The following HHIPL1 variants were observed in gnomAD, a reference collection of about 807,000 sequenced individuals.
HHIPL1 encodes the protein HHIP-like protein 1.
HHIPL1 carries 43 observed loss-of-function variants against 61.8 expected under a neutral mutation model. The observed-to-expected ratio is 0.70, with a 90% CI of 0.55 to 0.90. The LOEUF (loss-of-function observed/expected upper bound fraction) is 0.90, where lower values mean the gene tolerates loss of function less well. Ranked by LOEUF, HHIPL1 falls within the 40% of genes least tolerant of loss-of-function variation. The pLI is 0.00. For missense variants in HHIPL1, 1,056 were observed against 1,157.7 expected (o/e 0.91, Z 1.28); for synonymous variants, 482 against 515.8 (o/e 0.93, Z 0.89).
chr14:99,666,010 G>A (rs895351329), intron 6 of HHIPL1, among the ~76,000 whole-genome samples: 4 of 151,838 alleles, frequency 2.6e-5, no homozygotes, highest in Non-Finnish European at 5.9e-5. Context: ...TCAAACTGCT[G>A]ACCTCAAGTG....
the HHIPL1 span, among the ~76,000 whole-genome samples, chr14:99,631,396 C>A: frequency 1.3e-5 from 2 of 152,044 alleles, no homozygotes; most frequent in African/African-American, 4.8e-5. Context: ...ATACGGTCAC[C>A]TTCTGGGGTA....
chr14:99,668,885 G>C lies in HHIPL1; in HGVS notation c.1730+582G>C. 1 of 1,613,784 alleles carries C rather than the reference G, an allele frequency of 6.2e-7. No homozygotes were observed. Among genetic ancestry groups the C allele is most frequent in the Non-Finnish European group, 8.5e-7 (1 of 1,179,708 alleles). On this transcript the variant is annotated intron_variant, in intron 7 of 8. Coordinates refer to ENST00000330710, the MANE Select transcript of HHIPL1 (RefSeq NM_001127258.3). The surrounding 1 kb of genome is among the most constrained non-coding windows in gnomAD (Gnocchi z 4.7). ...TATGTCCCAGCTCCTTCCGTGTGCA[G>C]CTCATTGACGTCTCAGCCGTTCATT...
chr14:99,633,044 T>C, the HHIPL1 span, among the ~76,000 whole-genome samples: 2 of 140,376 alleles, frequency 1.4e-5, no homozygotes, highest in Admixed American at 1.4e-4. Flanking sequence ...GCTGGGTGGG[T>C]GGATTCATGT....
At chr14:99,631,105 T>TC in the HHIPL1 span, among the ~76,000 whole-genome samples, 683 of 140,538 alleles carry the variant, frequency 4.9e-3, 9 homozygotes, top group African/African-American at 0.017. Flanking sequence ...TCTTTCTTTC[T>TC]TTCTCTCTCT....
At chr14:99,640,849 T>C (rs2055740629), upstream of HHIPL1, among the ~76,000 whole-genome samples, 1 of 145,882 alleles carries the variant, frequency 6.9e-6, no homozygotes, top group African/African-American at 2.5e-5. Context: ...ATCTTCTTTC[T>C]CCCTGAAGAA....
upstream of HHIPL1, among the ~76,000 whole-genome samples, chr14:99,642,682 T>C (rs145080360): frequency 3.0e-3 from 459 of 152,036 alleles, 2 homozygotes; most frequent in Non-Finnish European, 5.0e-3. Context: ...CCCATCACCA[T>C]GCCCGGCTAA....
chr14:99,627,109 C>T, the HHIPL1 span, among the ~76,000 whole-genome samples: 1 of 152,078 alleles, frequency 6.6e-6, no homozygotes, highest in Non-Finnish European at 1.5e-5. The surrounding 1 kb of genome is among the most constrained non-coding windows in gnomAD (Gnocchi z 4.4). Context: ...TCCAGCTATC[C>T]ATCCGTCCAT....
Position 99,657,161 on chromosome 14 carries a change from T to C in HHIPL1, c.1046+18T>C. 1.2e-6 allele frequency: 2 copies of C among 1,610,918 alleles called. No homozygotes were observed. The highest frequency in any genetic ancestry group is 1.7e-6 in the Non-Finnish European group (2 of 1,178,870). The stretch of plus-strand genomic sequence containing the variant: ...CAAAACAAGTATGTTCAGCTTTTGA[T>C]TGGCTTGTGGGTTGGTCTCCATATC... On this transcript the variant is annotated intron_variant, in intron 3 of 8. Coordinates refer to ENST00000330710, the MANE Select transcript of HHIPL1 (RefSeq NM_001127258.3).
At chr14:99,669,329 C>T (rs563654224) in intron 7 of HHIPL1, 3 of 1,017,104 alleles carry the variant, frequency 2.9e-6, no homozygotes, top group East Asian at 1.8e-4. Flanking sequence ...CCACAGCAGT[C>T]TGAACGTCTC....
At chr14:99,615,485 A>C in the HHIPL1 span, among the ~76,000 whole-genome samples, 4 of 152,128 alleles carry the variant, frequency 2.6e-5, no homozygotes, top group Admixed American at 6.5e-5. Flanking sequence ...TTGAAACTGC[A>C]ATGAGCTGTG....
rs1401063672 is a variant in HHIPL1 at position 99,675,572 on chromosome 14, C to T, written c.2295C>T (p.Cys765=). The T allele has an allele frequency of 2.6e-6, 4 of 1,536,008 alleles. No individual in the cohort carries two copies. The highest frequency in any genetic ancestry group is 3.5e-6 in the Non-Finnish European group (4 of 1,144,948). Residue 765 remains cysteine, a synonymous_variant, in exon 9 of 9, where the codon TGC becomes TGT. Transcript: ENST00000330710. This position sits in a 1 kb window ranked among gnomAD's most constrained non-coding sequence, Gnocchi z 5.4. The stretch of plus-strand genomic sequence containing the variant: ...ACAACGGCGTGGGCACCCACAACTG[C>T]GAGCACGACGAGGATGCGGGCGTCG... ...CQHNGVGTHN[C]EHDEDAGVVC...
chr14:99,634,705 C>T, the HHIPL1 span, among the ~76,000 whole-genome samples: 4 of 152,120 alleles, frequency 2.6e-5, no homozygotes, highest in Non-Finnish European at 2.9e-5. Flanking sequence ...TCTAGGGTCA[C>T]GCAGTAAGTT....
intron 2 of HHIPL1, among the ~76,000 whole-genome samples, chr14:99,653,704 C>T (rs370563197): frequency 1.4e-4 from 22 of 152,228 alleles, no homozygotes; most frequent in African/African-American, 3.9e-4. Context: ...TGGGCTTTTG[C>T]TCCTCTCAAC....
chr14:99,611,828 A>G, the HHIPL1 span, among the ~76,000 whole-genome samples: 1 of 151,800 alleles, frequency 6.6e-6, no homozygotes, highest in African/African-American at 2.4e-5. Context: ...GCTCACATCT[A>G]TACCAAGACA....
chr14:99,651,993 G>A (rs1052535878), intron 1 of HHIPL1, among the ~76,000 whole-genome samples: 1 of 152,136 alleles, frequency 6.6e-6, no homozygotes, highest in Non-Finnish European at 1.5e-5. Flanking sequence ...AGCTGCTGCT[G>A]TTGCTGCTGC....
the HHIPL1 span, among the ~76,000 whole-genome samples, chr14:99,635,936 G>A: frequency 1.3e-5 from 2 of 152,224 alleles, no homozygotes; most frequent in Admixed American, 6.5e-5. Flanking sequence ...ACTGTGCATC[G>A]GTCTCAGAGG....
chr14:99,645,725 C>G (rs1208026654), intron 1 of HHIPL1, among the ~76,000 whole-genome samples: 2 of 152,240 alleles, frequency 1.3e-5, no homozygotes, highest in African/African-American at 4.8e-5. Context: ...GACGGACGGA[C>G]AGATGATGTC....
chr14:99,651,443 C>T (rs2055928520), intron 1 of HHIPL1, among the ~76,000 whole-genome samples: 1 of 152,138 alleles, frequency 6.6e-6, no homozygotes, highest in African/African-American at 2.4e-5. Context: ...CTCATGACGA[C>T]AGCAGCAGCA....
intron 7 of HHIPL1, among the ~76,000 whole-genome samples, chr14:99,670,135 G>A (rs1317126770): frequency 1.4e-5 from 2 of 146,340 alleles, no homozygotes; most frequent in Non-Finnish European, 3.0e-5. Flanking sequence ...TTTTTGAGAC[G>A]GAGTCTTGCT....
Sources: allele counts gnomAD v4.1 joint callset (sites outside exome capture counted in the v4.1 genomes callset), GRCh38; gene constraint gnomAD v4.1.1; non-coding constraint Gnocchi (gnomAD v3.1); transcripts MANE v1.5; gene names NCBI Gene and HGNC (gene_info 2026-07-23, HGNC 2026-07-21).